Variants in FBXO31 observed in about 807,000 individuals in gnomAD.
FBXO31 encodes the protein F-box only protein 31.
Under a neutral mutation model 54.4 loss-of-function variants are expected in FBXO31, and 24 were observed. The observed-to-expected ratio is 0.44, with a 90% CI of 0.32 to 0.62. The LOEUF is 0.62. FBXO31 is among the 20% of genes least tolerant of loss of function. The pLI, the probability that FBXO31 is intolerant of heterozygous loss-of-function variation, is 0.05. For synonymous variants in FBXO31, 388 were observed against 335.6 expected (o/e 1.16, Z -1.71); for missense variants, 665 against 787.1 (o/e 0.84, Z 1.86).
Position 87,342,929 on chromosome 16 carries a change from G to T in FBXO31, c.680C>A (p.Ser227Tyr). 2 of 1,608,320 alleles carry T rather than the reference G, an allele frequency of 1.2e-6. No individual in the cohort carries two copies. The highest frequency in any genetic ancestry group is 1.7e-6 in the Non-Finnish European group (2 of 1,177,586). ...GTGGTCCGTCTGGTTGCACTTGGTG[G>T]AGAACTCATCCTTCTTCACAATCTT... ...HIQIVKKDEF[S>Y]TKCNQTDHHR... is the part of the protein sequence containing the mutation. The change falls in exon 5 of 9, where the codon TCC (serine) becomes TAC (tyrosine). Residue 227 changes from serine to tyrosine, a missense_variant. Physicochemically the swap from Ser to Tyr is moderately radical, Grantham distance 144 (BLOSUM62 -2). Transcript: ENST00000311635.
In FBXO31 at chr16:87,336,822, C is replaced by T. The variant is rs770189248; in HGVS notation, c.733-558G>A. On this transcript the variant is annotated intron_variant, in intron 5 of 8. Transcript: ENST00000311635. The surrounding 1 kb of genome is among the most constrained non-coding windows in gnomAD (Gnocchi z 6.5). ...ATGTTAAGGCGGTTCCCAAAAACTC[C>T]GCAGCCCCACCAGTCCGCCCTGCAT... Among the ~76,000 whole-genome samples, 6 of 152,160 alleles carry T rather than the reference C, an allele frequency of 3.9e-5. No homozygotes were observed. Among genetic ancestry groups the T allele is most frequent in the Non-Finnish European group, 7.4e-5 (5 of 68,008 alleles).
chr16:87,359,254 C>T (rs1051902710), intron 2 of FBXO31, among the ~76,000 whole-genome samples: 1 of 152,206 alleles, frequency 6.6e-6, no homozygotes, highest in Admixed American at 6.5e-5. Flanking sequence ...CCCTGTCCTC[C>T]TATCCCCTCT....
At chr16:87,370,950 AG>A (rs1159605296) in intron 1 of FBXO31, among the ~76,000 whole-genome samples, 2 of 152,160 alleles carry the variant, frequency 1.3e-5, no homozygotes, top group African/African-American at 2.4e-5. Context: ...TGGCGGTGGC[AG>A]GGGGGACATG....
Position 87,347,270 on chromosome 16 carries a change from G to A in FBXO31, c.413-20C>T. The A allele has an allele frequency of 4.3e-6, 7 of 1,610,764 alleles. No individual in the cohort carries two copies. Among genetic ancestry groups the A allele is most frequent in the Non-Finnish European group, 5.1e-6 (6 of 1,176,990 alleles). Reference sequence around the variant, plus strand: ...GAAGCACTACAGGAGGAGAGAAAGAGCAAGTCTCTGTGTTAGACCCAGCGT... The same window carrying A: ...GAAGCACTACAGGAGGAGAGAAAGAACAAGTCTCTGTGTTAGACCCAGCGT... On this transcript the variant is annotated intron_variant, in intron 2 of 8. Transcript: ENST00000311635.
chr16:87,356,833 G>A (rs534641504), intron 2 of FBXO31, among the ~76,000 whole-genome samples: 34 of 152,294 alleles, frequency 2.2e-4, no homozygotes, highest in African/African-American at 8.2e-4. Flanking sequence ...CAGTAGTAGG[G>A]GCTCCACGAG....
chr16:87,362,568 T>TGATG lies in FBXO31; in HGVS notation c.341-2206_341-2203dup, dbSNP rs1398008817. ...TACATACATACATTTATTGATTGATTGATGGATGGATGGATGGAGTCTCGC... is the reference window on the plus strand; with the variant it reads ...TACATACATACATTTATTGATTGATTGATGGATGGATGGATGGATGGAGTCTCGC... On this transcript the variant is annotated intron_variant, in intron 1 of 8. Transcript: ENST00000311635. The TGATG allele has an allele frequency of 4.6e-5, 7 of 152,200 alleles. No homozygotes were observed. The South Asian group carries it at 6.2e-4, about 14-fold the overall frequency. The allele number at this position is 152,200 out of a possible 1,614,324, so 9.4% of individuals were successfully genotyped here.
rs771444530 is a variant in FBXO31 at position 87,336,267 on chromosome 16, T to G, written c.733-3A>C. On this transcript the variant is annotated splice_region_variant and splice_polypyrimidine_tract_variant and intron_variant, in intron 5 of 8. Transcript: ENST00000311635. The surrounding 1 kb of genome is among the most constrained non-coding windows in gnomAD (Gnocchi z 6.5). ...TCCCTCAGCCACGTCCGAAACTCCT[T>G]CCAAAAGAACACAGGTCATGAATAT... 6.2e-7 allele frequency: 1 copy of G among 1,613,754 alleles called. No individual in the cohort carries two copies. The highest frequency in any genetic ancestry group is 8.5e-7 in the Non-Finnish European group (1 of 1,179,904).
In FBXO31 at chr16:87,329,450, T is replaced by TA. The variant is rs1287566504; in HGVS notation, c.*1837dup. ...CTTAGAGCGAGGCTCGGGCTCTTGG[T>TA]AAAAAAGCATTTGCTTGATTTTATT... On this transcript the variant is annotated 3_prime_UTR_variant, in exon 9 of 9. Coordinates refer to ENST00000311635, the MANE Select transcript of FBXO31 (RefSeq NM_024735.5). 6.6e-6 allele frequency: 1 copy of TA among 152,280 alleles called. No individual in the cohort carries two copies. The highest frequency in any genetic ancestry group is 1.5e-5 in the Non-Finnish European group (1 of 68,056). 9.4% of individuals were successfully genotyped at this position (152,280 alleles called of 1,614,324 possible).
In FBXO31 at chr16:87,338,892, C is replaced by G. The variant is rs79477447; in HGVS notation, c.733-2628G>C. On this transcript the variant is annotated intron_variant, in intron 5 of 8. Coordinates refer to ENST00000311635, the MANE Select transcript of FBXO31 (RefSeq NM_024735.5). This position sits in a 1 kb window ranked among gnomAD's most constrained non-coding sequence, Gnocchi z 4.3. The stretch of plus-strand genomic sequence containing the variant: ...TCATGGGAGGGACCCCAGGAGGTAA[C>G]TGAATCATGGGGGTGGGGTCTTTTC... 4.7e-3 allele frequency among the ~76,000 whole-genome samples: 720 copies of G among 152,254 alleles called. 5 individuals carry two copies. The highest frequency in any genetic ancestry group is 0.017 in the African/African-American group (695 of 41,540).
upstream of FBXO31, chr16:87,384,029 T>G (rs937096622): frequency 1.6e-5 from 3 of 190,330 alleles, no homozygotes; most frequent in African/African-American, 4.7e-5. Context: ...GACTGCCCCG[T>G]GTGAGGCTCG....
At chr16:87,342,805 G>A (rs1905233518) in intron 5 of FBXO31, 72 bp downstream of exon 5, 1 of 1,325,650 alleles carries the variant, frequency 7.5e-7, no homozygotes, top group African/African-American at 1.5e-5. Flanking sequence ...TCTCCCGCAT[G>A]GGTCTGTACT....
chr16:87,336,064 G>A lies in FBXO31; in HGVS notation c.842+91C>T. 9.5e-7 allele frequency: 1 copy of A among 1,057,334 alleles called. No individual in the cohort carries two copies. The highest frequency in any genetic ancestry group is 1.4e-6 in the Non-Finnish European group (1 of 709,926). The allele number at this position is 1,057,334 out of a possible 1,614,324, so 65.5% of individuals were successfully genotyped here. ...GAACCCCAGCACCCACTGAGACAAAGGACTATGCCCCAGCACCCACCGGGA... is the reference window on the plus strand; with the variant it reads ...GAACCCCAGCACCCACTGAGACAAAAGACTATGCCCCAGCACCCACCGGGA... On this transcript the variant is annotated intron_variant, in intron 6 of 8. Coordinates refer to ENST00000311635, the MANE Select transcript of FBXO31 (RefSeq NM_024735.5). This position sits in a 1 kb window ranked among gnomAD's most constrained non-coding sequence, Gnocchi z 6.5.
chr16:87,383,840 C>T (rs1042373570), upstream of FBXO31: 5 of 914,172 alleles, frequency 5.5e-6, no homozygotes, highest in Non-Finnish European at 6.8e-6. This position sits in a 1 kb window ranked among gnomAD's most constrained non-coding sequence, Gnocchi z 4.9. Context: ...CAGAGCTCGC[C>T]ACGCCCCCTG....
At chr16:87,369,513 C>G (rs151276990) in intron 1 of FBXO31, among the ~76,000 whole-genome samples, 149 of 152,286 alleles carry the variant, frequency 9.8e-4, no homozygotes, top group African/African-American at 3.4e-3. Context: ...GATTTCCTTC[C>G]TTTTTAAGAA....
intron 1 of FBXO31, among the ~76,000 whole-genome samples, chr16:87,365,037 A>ATATATATATATCTATC (rs1489132121): frequency 9.4e-6 from 1 of 106,892 alleles, no homozygotes; most frequent in Non-Finnish European, 2.0e-5. Flanking sequence ...ATATATATAT[A>ATATATATATATCTATC]TATCAGGCAG....
Position 87,342,861 on chromosome 16 carries a change from CG to C in FBXO31, c.732+15del. Reference sequence around the variant, plus strand: ...GGTCCGCACCATATGAACACAGGGCCGGCTGGTGGGCTCACCTCCTGCCTCC... The same window carrying C: ...GGTCCGCACCATATGAACACAGGGCCGCTGGTGGGCTCACCTCCTGCCTCC... On this transcript the variant is annotated intron_variant, in intron 5 of 8. Transcript: ENST00000311635. 1 of 1,588,848 alleles carries C rather than the reference CG, an allele frequency of 6.3e-7. No individual in the cohort carries two copies. The highest frequency in any genetic ancestry group is 1.1e-5 in the South Asian group (1 of 86,972).
At chr16:87,391,617 C>G (rs1211145103), upstream of FBXO31, 1 of 150,634 alleles carries the variant, frequency 6.6e-6, no homozygotes, top group African/African-American at 2.5e-5. Context: ...GAGTTCCAGG[C>G]GCCGCGGCAG....
Position 87,342,885 on chromosome 16 carries a change from TC to T in FBXO31, c.723del (p.Arg242GlyfsTer9). On this transcript the variant is annotated frameshift_variant, in exon 5 of 9. Transcript: ENST00000311635. LOFTEE classifies it high-confidence loss of function. ...CCGGCTGGTGGGCTCACCTCCTGCC[TC>T]CCGCCGGACATCCTGTGGTGGTCCG... ...NQTDHHRMSG[G>X]RQEEFRTWLR... 1 of 1,600,348 alleles carries T rather than the reference TC, an allele frequency of 6.2e-7. No individual in the cohort carries two copies. The highest frequency in any genetic ancestry group is 1.1e-5 in the South Asian group (1 of 88,210).
intron 3 of FBXO31, 22 bp from the exon 4 acceptor site, chr16:87,343,787 G>A (rs770821935): frequency 4.4e-5 from 71 of 1,613,346 alleles, no homozygotes; most frequent in Non-Finnish European, 5.9e-5. Flanking sequence ...GATGGGCAAA[G>A]GTCCATGAGT....
Sources: gnomAD v4.1 joint callset for allele counts (sites outside exome capture counted in the v4.1 genomes callset) on GRCh38, gnomAD v4.1.1 for gene constraint, Gnocchi (gnomAD v3.1) non-coding constraint, MANE v1.5 for transcripts, NCBI Gene and HGNC (gene_info 2026-07-23, HGNC 2026-07-21) for gene names.